Variants in BSPH1 observed in about 807,000 individuals in gnomAD.
BSPH1 encodes binder of sperm 1.
A neutral mutation model predicts 22.5 loss-of-function variants in BSPH1; 21 were observed. The ratio of observed to expected loss-of-function variants is 0.93; its 90% confidence interval spans 0.66 to 1.35. The LOEUF is 1.35. Ranked by LOEUF, BSPH1 falls within the 40% of genes most tolerant of loss-of-function variation. The pLI, the probability that BSPH1 is intolerant of heterozygous loss-of-function variation, is 0.00. For synonymous variants in BSPH1, 42 were observed against 53.6 expected, an observed-to-expected ratio of 0.78 and a Z score of 0.95; for missense variants, 141 against 154.2, an observed-to-expected ratio of 0.91 and a Z score of 0.45.
chr19:47,986,155 C>T (rs553372393), intron 1 of BSPH1, among the ~76,000 whole-genome samples: 3 of 152,188 alleles, frequency 2.0e-5, no homozygotes, highest in Non-Finnish European at 4.4e-5. Context: ...GGTAGTCCTA[C>T]GATCCTAACT....
intron 5 of BSPH1, among the ~76,000 whole-genome samples, chr19:47,969,684 G>GGAGA (rs10589898): frequency 0.059 from 6,731 of 113,662 alleles, 327 homozygotes; most frequent in African/African-American, 0.091. Context: ...AGGGAGAGGG[G>GGAGA]GAGAGAGAGA....
chr19:47,978,864 T>C (rs1213517151), intron 3 of BSPH1, among the ~76,000 whole-genome samples: 1 of 152,260 alleles, frequency 6.6e-6, no homozygotes, highest in African/African-American at 2.4e-5. Context: ...TAGTTTTGTA[T>C]ATGATGCCAA....
intron 4 of BSPH1, among the ~76,000 whole-genome samples, chr19:47,977,064 C>T (rs566431349): frequency 6.6e-6 from 1 of 152,230 alleles, no homozygotes; most frequent in Non-Finnish European, 1.5e-5. Flanking sequence ...CTTTTGCTTC[C>T]TATTCAGTAT....
chr19:47,987,776 G>A (rs1969484966), intron 1 of BSPH1, among the ~76,000 whole-genome samples: 1 of 152,144 alleles, frequency 6.6e-6, no homozygotes, highest in Admixed American at 6.6e-5. Context: ...CAGATCGCTT[G>A]AGCTCAGGAG....
At chr19:47,988,903 C>A (rs975478772) in intron 1 of BSPH1, among the ~76,000 whole-genome samples, 6 of 152,110 alleles carry the variant, frequency 3.9e-5, no homozygotes, top group Non-Finnish European at 8.8e-5. Context: ...TGAAGTCTTG[C>A]CAATTCAATT....
At chr19:47,982,085 G>A (rs145759685) in intron 1 of BSPH1, among the ~76,000 whole-genome samples, 32 of 152,184 alleles carry the variant, frequency 2.1e-4, no homozygotes, top group African/African-American at 4.1e-4. Flanking sequence ...CAAATAGCCC[G>A]TAATAGATGA....
At chr19:47,984,668 G>C (rs1314283760) in intron 1 of BSPH1, among the ~76,000 whole-genome samples, 1 of 152,074 alleles carries the variant, frequency 6.6e-6, no homozygotes, top group Non-Finnish European at 1.5e-5. Flanking sequence ...AATACCACAT[G>C]TTCTCACTTA....
chr19:47,973,283 A>C (rs1220876260), intron 5 of BSPH1, among the ~76,000 whole-genome samples: 1 of 151,306 alleles, frequency 6.6e-6, no homozygotes, highest in Non-Finnish European at 1.5e-5. Context: ...AACATGCCAG[A>C]GACAGTAGTT....
chr19:47,981,043 AAGTT>A, intron 1 of BSPH1, 102 bp from the exon 2 acceptor site: 2 of 611,744 alleles, frequency 3.3e-6, no homozygotes, highest in East Asian at 6.6e-5. Flanking sequence ...ACTATTTTGA[AAGTT>A]AGACATCAAA....
rs1339104893 is a variant in BSPH1, at chr19:47,976,723, AT to A, written c.387del (p.Lys129AsnfsTer26). 1 of 1,551,836 alleles carries A rather than the reference AT, an allele frequency of 6.4e-7. No homozygotes were observed. Among genetic ancestry groups the A allele is most frequent in the Non-Finnish European group, 8.7e-7 (1 of 1,146,982 alleles). On this transcript the variant is annotated frameshift_variant, in exon 5 of 6. Transcript: ENST00000344839. LOFTEE classifies it high-confidence loss of function. ...GGTAAATCTCACCATCATTCACAGT[AT>A]TTCCAAATTCGGTCCTTGTTAAAAT... ...TKNFNKDRIW[K>X]YCE
At chr19:47,983,972 G>C (rs1969444094) in intron 1 of BSPH1, among the ~76,000 whole-genome samples, 1 of 151,466 alleles carries the variant, frequency 6.6e-6, no homozygotes, top group Admixed American at 6.6e-5. Flanking sequence ...AAGTAGCTGG[G>C]ACTACAGGTG....
At chr19:47,986,770 T>TA (rs1159741889) in intron 1 of BSPH1, among the ~76,000 whole-genome samples, 2 of 151,350 alleles carry the variant, frequency 1.3e-5, no homozygotes, top group East Asian at 3.9e-4. Flanking sequence ...AAAATAAAAA[T>TA]AAAAAAAATC....
chr19:47,968,362 TC>T (rs1245376218), intron 5 of BSPH1, among the ~76,000 whole-genome samples, 153 bp from the exon 6 acceptor site: 8 of 134,530 alleles, frequency 5.9e-5, no homozygotes, highest in Admixed American at 1.6e-4. Flanking sequence ...CTCTCTTTTT[TC>T]TTTTTTTTTT....
chr19:47,975,444 G>A (rs554842780), intron 5 of BSPH1, among the ~76,000 whole-genome samples: 24 of 152,098 alleles, frequency 1.6e-4, no homozygotes, highest in Non-Finnish European at 2.5e-4. Context: ...TGGCTCCCAG[G>A]GCACTCACCA....
chr19:47,991,128 G>A (rs1600095389), intron 1 of BSPH1, among the ~76,000 whole-genome samples: 1 of 152,176 alleles, frequency 6.6e-6, no homozygotes, highest in Admixed American at 6.5e-5. Flanking sequence ...TACAGCAGCC[G>A]ATGTGCAGGA....
In BSPH1 at chr19:47,992,110, G is replaced by C; in HGVS notation, c.-29C>G. 1 of 1,538,760 alleles carries C rather than the reference G, an allele frequency of 6.5e-7. No individual in the cohort carries two copies. The highest frequency in any genetic ancestry group is 8.8e-7 in the Non-Finnish European group (1 of 1,135,486). ...CAGTCACAGGCTTCCCGGTATCTCAGATCTTCCTGGTCTTTGTCAGCCAGG... is the reference window on the plus strand; with the variant it reads ...CAGTCACAGGCTTCCCGGTATCTCACATCTTCCTGGTCTTTGTCAGCCAGG... On this transcript the variant is annotated 5_prime_UTR_variant, in exon 1 of 6. In the 5' UTR this introduces an upstream ATG that the reference lacks. Coordinates refer to ENST00000344839, the MANE Select transcript of BSPH1 (RefSeq NM_001128326.2).
intron 5 of BSPH1, among the ~76,000 whole-genome samples, chr19:47,972,686 C>T (rs970707711): frequency 2.0e-5 from 3 of 152,070 alleles, no homozygotes; most frequent in Middle Eastern, 3.4e-3. Context: ...ATGGTTACCT[C>T]GGATGTGTGG....
At chr19:47,977,547 G>C in intron 3 of BSPH1, 43 bp from the exon 4 acceptor site, 1 of 1,545,664 alleles carries the variant, frequency 6.5e-7, no homozygotes, top group South Asian at 1.2e-5. Context: ...GGTGTGTTAG[G>C]AGAGAGGTTA....
chr19:47,989,765 T>C (rs1041025462), intron 1 of BSPH1, among the ~76,000 whole-genome samples: 5 of 152,182 alleles, frequency 3.3e-5, no homozygotes, highest in African/African-American at 1.2e-4. Context: ...ATTGTCTGTA[T>C]TGAATTCGAC....
Sources: gnomAD v4.1 joint callset for allele counts (sites outside exome capture counted in the v4.1 genomes callset) on GRCh38, gnomAD v4.1.1 for gene constraint, MANE v1.5 for transcripts, NCBI Gene and HGNC (gene_info 2026-07-23, HGNC 2026-07-21) for gene names.